Variants in CCT3 observed in about 807,000 individuals in gnomAD.
The protein encoded by CCT3 is chaperonin containing TCP1 subunit 3.
A neutral mutation model predicts 65.3 loss-of-function variants in CCT3; 10 were observed. The observed-to-expected ratio is 0.15, with a 90% CI of 0.09 to 0.26. The LOEUF is 0.26. CCT3 is among the 10% of genes least tolerant of loss of function. The probability of loss-of-function intolerance (pLI) is 1.00; values close to 1 mark genes in which losing one functional copy is unlikely to be tolerated. For synonymous variants in CCT3, 225 were observed against 242.3 expected (o/e 0.93, Z 0.66); for missense variants, 626 against 708.7 (o/e 0.88, Z 1.33).
chr1:156,316,322 G>A (rs1268655371), intron 10 of CCT3, among the ~76,000 whole-genome samples: 2 of 152,124 alleles, frequency 1.3e-5, no homozygotes, highest in Non-Finnish European at 2.9e-5. Flanking sequence ...ACAAACTTTA[G>A]TATTCAAGGG....
intron 5 of CCT3, 111 bp from the exon 6 acceptor site, chr1:156,325,200 T>C (rs1664748198): frequency 3.8e-6 from 3 of 786,602 alleles, no homozygotes; most frequent in Admixed American, 3.9e-5. Flanking sequence ...TCCCAAAAGG[T>C]ATGACATTTG....
intron 5 of CCT3, among the ~76,000 whole-genome samples, chr1:156,331,543 C>T (rs1363402325): frequency 6.6e-6 from 1 of 151,588 alleles, no homozygotes; most frequent in Non-Finnish European, 1.5e-5. Flanking sequence ...ATCAGCCAGG[C>T]GTGGTGGCGC....
chr1:156,335,134 G>A (rs1472331173), intron 2 of CCT3: 2 of 528,808 alleles, frequency 3.8e-6, no homozygotes, highest in Non-Finnish European at 6.6e-6. Context: ...GCCTCCCAAA[G>A]TGTTGGGATT....
chr1:156,313,350 G>GGAAAA (rs570894422), intron 10 of CCT3, among the ~76,000 whole-genome samples: 28 of 106,744 alleles, frequency 2.6e-4, no homozygotes, highest in Non-Finnish European at 4.8e-4. Context: ...AAAAAAAAAA[G>GGAAAA]AAAAAAAAAA....
chr1:156,327,325 C>G (rs147948306), intron 5 of CCT3, among the ~76,000 whole-genome samples: 1,558 of 152,232 alleles, frequency 0.01, 14 homozygotes, highest in Middle Eastern at 0.051. Context: ...TTTCCACGGT[C>G]TCCCTCTGAT....
rs374465608 is a variant in CCT3 at position 156,309,187 on chromosome 1, C to G, written c.*12G>C. On this transcript the variant is annotated 3_prime_UTR_variant, in exon 14 of 14. Coordinates refer to ENST00000295688, the MANE Select transcript of CCT3 (RefSeq NM_005998.5). ...TGCTGGTTCTGTGCATTGAAGTAGC[C>G]TTGCCTAGCACTCACTCCTGGCCAG... The G allele has an allele frequency of 6.4e-7, 1 of 1,569,236 alleles. No homozygotes were observed. Among genetic ancestry groups the G allele is most frequent in the African/African-American group, 1.4e-5 (1 of 73,930 alleles).
In CCT3 at chr1:156,334,702, A is replaced by C; in HGVS notation, c.207+11T>G. On this transcript the variant is annotated intron_variant, in intron 4 of 13. Transcript: ENST00000295688. ...AGAAAGCAAAAAAACAAAACCAAAA[A>C]CAAAACACACCTCTCGAAGAATGGC... 1.9e-6 allele frequency: 3 copies of C among 1,613,244 alleles called. No individual in the cohort carries two copies. The highest frequency in any genetic ancestry group is 1.7e-4 in the Middle Eastern group (1 of 6,042).
chr1:156,309,329 G>T, intron 13 of CCT3, 26 bp from the exon 14 acceptor site: 1 of 1,460,282 alleles, frequency 6.8e-7, no homozygotes. Context: ...CAGATGCAAA[G>T]AGGTCAGCAG....
intron 10 of CCT3, among the ~76,000 whole-genome samples, chr1:156,315,701 C>A (rs1168160585): frequency 6.6e-6 from 1 of 152,068 alleles, no homozygotes; most frequent in Non-Finnish European, 1.5e-5. Context: ...GACTGATTCC[C>A]CTAACCCCCA....
At chr1:156,335,728 A>G in intron 2 of CCT3, 99 bp downstream of exon 2, 1 of 919,092 alleles carries the variant, frequency 1.1e-6, no homozygotes, top group East Asian at 2.5e-5. Context: ...CTATTTGCCT[A>G]CTCTATAAAG....
chr1:156,315,012 G>T (rs12040868), intron 10 of CCT3, among the ~76,000 whole-genome samples: 34,525 of 152,028 alleles, frequency 0.23, 4,692 homozygotes, highest in Non-Finnish European at 0.29. Context: ...GACAAATCAC[G>T]ATGTATTTCC....
At chr1:156,327,928 T>G (rs902626924) in intron 5 of CCT3, among the ~76,000 whole-genome samples, 2 of 90,726 alleles carry the variant, frequency 2.2e-5, no homozygotes, top group African/African-American at 5.9e-5. Context: ...GGAGCGCCTC[T>G]GCCCAGCCGC....
At chr1:156,337,202 G>C (rs553471511) in intron 1 of CCT3, 1 of 457,092 alleles carries the variant, frequency 2.2e-6, no homozygotes, top group South Asian at 1.8e-5. Context: ...CTCATCAGCA[G>C]TTGGAGACCA....
In CCT3 at chr1:156,317,405, A is replaced by T; in HGVS notation, c.892+10T>A. ...TCAAAGGTAGGCTGGAAAAAGTAAC[A>T]AAGTCCCACCTGAGATGCCCTTTTC... On this transcript the variant is annotated intron_variant, in intron 9 of 13. Coordinates refer to ENST00000295688, the MANE Select transcript of CCT3 (RefSeq NM_005998.5). 6.2e-7 allele frequency: 1 copy of T among 1,605,330 alleles called. No homozygotes were observed. The highest frequency in any genetic ancestry group is 1.3e-5 in the African/African-American group (1 of 74,862).
In CCT3 at chr1:156,317,521, C is replaced by T. The variant is rs370499639; in HGVS notation, c.786G>A (p.Glu262=). 3.1e-6 allele frequency: 5 copies of T among 1,613,684 alleles called. No individual in the cohort carries two copies. The highest frequency in any genetic ancestry group is 3.4e-6 in the Non-Finnish European group (4 of 1,179,822). Residue 262 remains glutamate (E), a synonymous_variant, in exon 9 of 14, where the codon GAG becomes GAA. Transcript: ENST00000295688. ...SQTDIEITRE[E]DFTRILQMEE... ...CCATCTGGAGAATTCGGGTGAAGTC[C>T]TCCTCTCGTGTAATCTCAATGTCAG...
chr1:156,335,226 T>C (rs930908016), intron 2 of CCT3: 2 of 295,186 alleles, frequency 6.8e-6, no homozygotes, highest in East Asian at 6.7e-5. Flanking sequence ...ACTTTAGACA[T>C]AGCATGCCAC....
chr1:156,316,690 T>C (rs1440323450), intron 10 of CCT3, among the ~76,000 whole-genome samples: 1 of 152,168 alleles, frequency 6.6e-6, no homozygotes, highest in Non-Finnish European at 1.5e-5. Flanking sequence ...AGCAAGACCT[T>C]GTCTATTAAA....
rs1364073468 is a variant in CCT3, at chr1:156,312,208, G to A, written c.988C>T (p.Arg330Trp). 5 of 1,613,824 alleles carry A rather than the reference G, an allele frequency of 3.1e-6. No individual in the cohort carries two copies. The highest frequency in any genetic ancestry group is 1.3e-5 in the African/African-American group (1 of 74,896). Residue 330 changes from arginine (R) to tryptophan (W), a missense_variant, in exon 11 of 14, where the codon CGG (arginine) becomes TGG (tryptophan). By Grantham distance (101) the Arg-to-Trp change is moderately radical. Transcript: ENST00000295688. Reference sequence around the variant, plus strand: ...AGTTCCTCTGGTCGGCTGACTATCCGGGCCCCACAGGCTCTAATGGACGGA... The same window carrying A: ...AGTTCCTCTGGTCGGCTGACTATCCAGGCCCCACAGGCTCTAATGGACGGA... Reference protein sequence around the residue: ...NNRIARACGARIVSRPEELRE... With the variant: ...NNRIARACGAWIVSRPEELRE...
At chr1:156,327,060 A>C (rs1205657370) in intron 5 of CCT3, among the ~76,000 whole-genome samples, 3 of 152,158 alleles carry the variant, frequency 2.0e-5, no homozygotes, top group African/African-American at 7.2e-5. Flanking sequence ...TAAATAAACA[A>C]ATAAAATTTG....
Sources: gnomAD v4.1 joint callset for allele counts (sites outside exome capture counted in the v4.1 genomes callset) on GRCh38, gnomAD v4.1.1 for gene constraint, MANE v1.5 for transcripts, NCBI Gene and HGNC (gene_info 2026-07-23, HGNC 2026-07-21) for gene names.